PACRG: variants seen among roughly 807,000 people sequenced by gnomAD.
PACRG encodes parkin coregulated gene protein.
PACRG carries 29 observed loss-of-function variants against 29.7 expected under a neutral mutation model. The ratio of observed to expected loss-of-function variants is 0.98; its 90% confidence interval spans 0.73 to 1.33. PACRG has a LOEUF of 1.33. PACRG is among the 40% of genes most tolerant of loss of function. PACRG has a pLI of 0.00. For missense variants in PACRG, 279 were observed against 316.2 expected (o/e 0.88, Z 0.89); for synonymous variants, 116 against 118.7 (o/e 0.98, Z 0.15).
At chr6:162,897,504 G>A (rs1349657663) in intron 2 of PACRG, among the ~76,000 whole-genome samples, 1 of 152,190 alleles carries the variant, frequency 6.6e-6, no homozygotes, top group Non-Finnish European at 1.5e-5. Context: ...CCTCCAGGGA[G>A]TAGACAGTGA....
At chr6:162,989,472 G>T (rs1484144609) in intron 2 of PACRG, among the ~76,000 whole-genome samples, 2 of 152,104 alleles carry the variant, frequency 1.3e-5, no homozygotes, top group East Asian at 3.9e-4. Context: ...CATAGTATTT[G>T]CATATAACCT....
At chr6:162,953,183 T>C (rs1007459504) in intron 2 of PACRG, among the ~76,000 whole-genome samples, 1 of 152,216 alleles carries the variant, frequency 6.6e-6, no homozygotes, top group African/African-American at 2.4e-5. Context: ...CTATATTTAA[T>C]CAATCATATT....
rs374017962 is a variant in PACRG, at chr6:163,208,151, T to TA, written c.614-106673dup. ...GTTAAACTTGGTGTTATCCTGTTAG[T>TA]AAACTAGCTTATATTGCACAATCGA... On this transcript the variant is annotated intron_variant, in intron 4 of 4. Coordinates refer to ENST00000366888, the MANE Select transcript of PACRG (RefSeq NM_001080379.2). Among the ~76,000 whole-genome samples the TA allele has an allele frequency of 2.0e-3, 298 of 152,394 alleles. 1 individual carries two copies. The highest frequency in any genetic ancestry group is 6.9e-3 in the African/African-American group (285 of 41,600).
chr6:162,737,843 A>G (rs1780282983), intron 1 of PACRG, among the ~76,000 whole-genome samples: 1 of 152,206 alleles, frequency 6.6e-6, no homozygotes, highest in African/African-American at 2.4e-5. Flanking sequence ...TTATCATTCC[A>G]TGCTTATAGG....
intron 1 of PACRG, among the ~76,000 whole-genome samples, chr6:162,756,776 G>A (rs1357618384): frequency 2.0e-5 from 3 of 151,896 alleles, no homozygotes; most frequent in Non-Finnish European, 4.4e-5. Flanking sequence ...GTGGTTGTAT[G>A]CTTTGAGTCC....
intron 2 of PACRG, among the ~76,000 whole-genome samples, chr6:162,967,662 AC>A (rs1162675591): frequency 5.9e-5 from 9 of 152,016 alleles, no homozygotes; most frequent in Admixed American, 1.3e-4. Context: ...GCCTGCCACC[AC>A]GCCCGGCTAA....
chr6:163,260,318 C>T (rs1431012329), intron 4 of PACRG, among the ~76,000 whole-genome samples: 1 of 152,208 alleles, frequency 6.6e-6, no homozygotes, highest in Non-Finnish European at 1.5e-5. Flanking sequence ...CTTCAGCTCC[C>T]ACGTTGGTCC....
At chr6:162,779,772 C>A (rs1177453508) in intron 1 of PACRG, among the ~76,000 whole-genome samples, 3 of 152,160 alleles carry the variant, frequency 2.0e-5, no homozygotes, top group Non-Finnish European at 4.4e-5. Context: ...CATTTCTAAT[C>A]AAGATGGAAC....
At chr6:162,940,812 T>C (rs1418297786) in intron 2 of PACRG, among the ~76,000 whole-genome samples, 1 of 152,174 alleles carries the variant, frequency 6.6e-6, no homozygotes, top group African/African-American at 2.4e-5. Flanking sequence ...TTTTGTCATA[T>C]TGGCAAACAG....
chr6:162,973,799 C>T (rs900936434), intron 2 of PACRG, among the ~76,000 whole-genome samples: 2 of 152,052 alleles, frequency 1.3e-5, no homozygotes, highest in African/African-American at 4.8e-5. Context: ...CACGCTATTA[C>T]AGAGATAGAT....
At chr6:163,026,483 T>C in intron 2 of PACRG, among the ~76,000 whole-genome samples, 1 of 152,314 alleles carries the variant, frequency 6.6e-6, no homozygotes, top group South Asian at 2.1e-4. Context: ...AAATGCATAA[T>C]AGCTAGATGT....
chr6:163,136,010 A>G (rs1816922435), intron 4 of PACRG, among the ~76,000 whole-genome samples: 1 of 152,164 alleles, frequency 6.6e-6, no homozygotes, highest in Admixed American at 6.5e-5. Context: ...TTTATTCATT[A>G]TGAATACTAC....
chr6:163,221,256 A>G (rs1450188445), intron 4 of PACRG, among the ~76,000 whole-genome samples: 1 of 152,232 alleles, frequency 6.6e-6, no homozygotes, highest in African/African-American at 2.4e-5. Flanking sequence ...ATTCCCAAAT[A>G]AAACAGAGTC....
At chr6:163,043,666 A>C (rs1808995060) in intron 2 of PACRG, among the ~76,000 whole-genome samples, 1 of 152,210 alleles carries the variant, frequency 6.6e-6, no homozygotes, top group Non-Finnish European at 1.5e-5. Flanking sequence ...AGAAGGAATT[A>C]TATGTGAAGA....
chr6:163,165,686 G>A (rs1778770061), intron 4 of PACRG: 2 of 202,530 alleles, frequency 9.9e-6, no homozygotes, highest in Non-Finnish European at 1.0e-5. Flanking sequence ...GCAAGGAGGG[G>A]GCTCAAATTC....
At chr6:162,886,824 T>C (rs1383280086) in intron 2 of PACRG, among the ~76,000 whole-genome samples, 1 of 152,206 alleles carries the variant, frequency 6.6e-6, no homozygotes. Flanking sequence ...AAATTCTAGA[T>C]ATCATTAATT....
intron 4 of PACRG, among the ~76,000 whole-genome samples, chr6:163,251,359 A>G (rs754512141): frequency 1.8e-4 from 27 of 152,058 alleles, no homozygotes; most frequent in Admixed American, 6.5e-5. Flanking sequence ...CTGAAACCTT[A>G]TCTCTGCACT....
intron 2 of PACRG, among the ~76,000 whole-genome samples, chr6:163,057,945 T>C (rs1043195811): frequency 5.9e-5 from 9 of 152,220 alleles, no homozygotes; most frequent in African/African-American, 2.2e-4. Context: ...TCTGAAAATA[T>C]GCCATTCCAG....
intron 2 of PACRG, among the ~76,000 whole-genome samples, chr6:163,050,587 G>C (rs1809898947): frequency 6.6e-6 from 1 of 151,596 alleles, no homozygotes; most frequent in Non-Finnish European, 1.5e-5. Flanking sequence ...GATGATCCAG[G>C]GGTTAAAAAA....
Sources: gnomAD v4.1 joint callset for allele counts (sites outside exome capture counted in the v4.1 genomes callset) on GRCh38, gnomAD v4.1.1 for gene constraint, MANE v1.5 for transcripts, NCBI Gene and HGNC (gene_info 2026-07-23, HGNC 2026-07-21) for gene names.